DPP10: variants seen among roughly 807,000 people sequenced by gnomAD.
DPP10 encodes the protein inactive dipeptidyl peptidase 10.
Under a neutral mutation model 120.9 loss-of-function variants are expected in DPP10, and 33 were observed. That is an observed-to-expected ratio of 0.27 (90% CI 0.21 to 0.37). The LOEUF is 0.37. DPP10 is among the 10% of genes least tolerant of loss of function. DPP10 has a pLI of 1.00. For synonymous variants in DPP10, 337 were observed against 326.1 expected (o/e 1.03, Z -0.36); for missense variants, 816 against 942.8 (o/e 0.87, Z 1.76).
intron 1 of DPP10, among the ~76,000 whole-genome samples, chr2:115,195,331 G>A (rs1353573869): frequency 7.2e-5 from 11 of 152,104 alleles, no homozygotes; most frequent in African/African-American, 9.7e-5. Context: ...ATACCTCACC[G>A]CCACCCCTAA....
At chr2:115,643,310 T>G (rs1169358184) in intron 5 of DPP10, among the ~76,000 whole-genome samples, 17 of 152,208 alleles carry the variant, frequency 1.1e-4, no homozygotes, top group African/African-American at 3.6e-4. Flanking sequence ...ACTGTGACAT[T>G]GGCTACTTCG....
chr2:114,444,327 C>G (rs1677821706), intron 1 of DPP10, among the ~76,000 whole-genome samples: 1 of 152,224 alleles, frequency 6.6e-6, no homozygotes, highest in South Asian at 2.1e-4. Flanking sequence ...TATATAAGCT[C>G]TAGTGGGAAA....
At chr2:115,076,703 A>G (rs1707828587) in intron 1 of DPP10, among the ~76,000 whole-genome samples, 1 of 152,188 alleles carries the variant, frequency 6.6e-6, no homozygotes, top group South Asian at 2.1e-4. Flanking sequence ...TCTACATCAT[A>G]TTATTCCATT....
intron 3 of DPP10, among the ~76,000 whole-genome samples, chr2:115,384,535 AAG>A (rs1485580670): frequency 8.0e-5 from 10 of 124,232 alleles, no homozygotes; most frequent in East Asian, 4.8e-4. Flanking sequence ...AAGAAGAAGA[AAG>A]AAGAAGAAGG....
intron 1 of DPP10, among the ~76,000 whole-genome samples, chr2:115,306,984 T>G (rs2061383050): frequency 6.6e-6 from 1 of 152,124 alleles, no homozygotes; most frequent in Non-Finnish European, 1.5e-5. Context: ...AATATTTATC[T>G]TTACAAGTGG....
chr2:115,614,465 G>A (rs376839761), intron 5 of DPP10, among the ~76,000 whole-genome samples: 27 of 152,076 alleles, frequency 1.8e-4, no homozygotes, highest in African/African-American at 6.5e-4. Flanking sequence ...TCACTTTCTT[G>A]CCCAGGCTGG....
chr2:114,658,482 CT>C (rs1697130853), intron 1 of DPP10, among the ~76,000 whole-genome samples: 1 of 152,078 alleles, frequency 6.6e-6, no homozygotes, highest in Non-Finnish European at 1.5e-5. Flanking sequence ...AAATGGAGTT[CT>C]GAGTAGGAGC....
At chr2:115,411,095 C>T (rs139490128) in intron 3 of DPP10, among the ~76,000 whole-genome samples, 2,894 of 152,064 alleles carry the variant, frequency 0.019, 87 homozygotes, top group African/African-American at 0.067. Flanking sequence ...TTTGGGAGGC[C>T]GAGGTGGTGG....
intron 5 of DPP10, among the ~76,000 whole-genome samples, chr2:115,595,463 T>C (rs2082930179): frequency 6.6e-6 from 1 of 152,096 alleles, no homozygotes; most frequent in African/African-American, 2.4e-5. Context: ...TTATAAACCT[T>C]AATAATTTTC....
At chr2:114,617,267 T>G (rs115003214) in intron 1 of DPP10, among the ~76,000 whole-genome samples, 615 of 152,198 alleles carry the variant, frequency 4.0e-3, no homozygotes, top group Middle Eastern at 0.02. Context: ...ACTCAGAAAT[T>G]ATTATATGGT....
chr2:115,485,679 G>T (rs1376634599), intron 3 of DPP10, among the ~76,000 whole-genome samples: 1 of 152,026 alleles, frequency 6.6e-6, no homozygotes, highest in Non-Finnish European at 1.5e-5. Context: ...TAAAGGTAAA[G>T]TTATGTCATT....
intron 3 of DPP10, among the ~76,000 whole-genome samples, chr2:115,345,382 T>A (rs1456870089): frequency 1.3e-5 from 2 of 152,174 alleles, no homozygotes; most frequent in East Asian, 1.9e-4. Flanking sequence ...TCACAAAAAA[T>A]TGTCCAAATA....
chr2:114,788,188 T>C (rs1197565721), intron 1 of DPP10, among the ~76,000 whole-genome samples: 2 of 152,176 alleles, frequency 1.3e-5, no homozygotes, highest in Non-Finnish European at 2.9e-5. Context: ...AAAAAATGAC[T>C]TTTTAGATCA....
At chr2:114,457,966 G>A (rs1678673479) in intron 1 of DPP10, among the ~76,000 whole-genome samples, 1 of 152,134 alleles carries the variant, frequency 6.6e-6, no homozygotes, top group African/African-American at 2.4e-5. Flanking sequence ...AACCCAGAAA[G>A]CAACACAACA....
At chr2:115,043,865 C>A (rs2105312621) in intron 1 of DPP10, among the ~76,000 whole-genome samples, 1 of 152,186 alleles carries the variant, frequency 6.6e-6, no homozygotes, top group East Asian at 1.9e-4. Flanking sequence ...AGGTGAAGAG[C>A]AGAGGCAGTA....
At chr2:115,793,670 A>G (rs75977367) in intron 19 of DPP10, among the ~76,000 whole-genome samples, 2,077 of 152,130 alleles carry the variant, frequency 0.014, 50 homozygotes, top group African/African-American at 0.045. Context: ...TTACTTTGCT[A>G]CTTTTTTGGT....
intron 1 of DPP10, among the ~76,000 whole-genome samples, chr2:114,637,157 A>G (rs1345957979): frequency 6.6e-6 from 1 of 152,016 alleles, no homozygotes; most frequent in African/African-American, 2.4e-5. Context: ...TCCCTAAATA[A>G]GCAAGGTTTT....
chr2:115,821,207 TC>T (rs1294858461), intron 21 of DPP10, among the ~76,000 whole-genome samples: 2 of 152,290 alleles, frequency 1.3e-5, no homozygotes, highest in East Asian at 3.9e-4. Flanking sequence ...CATTAAAGTA[TC>T]CCTTTATAAT....
At chr2:115,384,540 GA>G (rs2066729741) in intron 3 of DPP10, among the ~76,000 whole-genome samples, 1 of 102,748 alleles carries the variant, frequency 9.7e-6, no homozygotes, top group South Asian at 3.6e-4. Flanking sequence ...GAAGAAAGAA[GA>G]AGAAGGAAGA....
Sources: allele counts gnomAD v4.1 joint callset (sites outside exome capture counted in the v4.1 genomes callset), GRCh38; gene constraint gnomAD v4.1.1; transcripts MANE v1.5; gene names NCBI Gene and HGNC (gene_info 2026-07-23, HGNC 2026-07-21).